The following FHIT variants were observed in gnomAD, a reference collection of about 807,000 sequenced individuals.
FHIT encodes the protein bis(5'-adenosyl)-triphosphatase.
In FHIT, 19 loss-of-function variants were observed where a neutral mutation model predicts 17.9. The observed-to-expected ratio is 1.06, with a 90% confidence interval of 0.74 to 1.56. FHIT has a LOEUF of 1.56. Among genes scored for constraint, FHIT ranks in the 40% most tolerant of loss-of-function variants. The probability of loss-of-function intolerance (pLI) is 0.00; values close to 1 mark genes in which losing one functional copy is unlikely to be tolerated. For missense variants in FHIT, 248 were observed against 189.2 expected (o/e 1.31, Z -1.82); for synonymous variants, 81 against 69.7 (o/e 1.16, Z -0.81).
At chr3:59,986,521 A>AAATATATT (rs1392369113) in intron 7 of FHIT, among the ~76,000 whole-genome samples, 52 of 5,262 alleles carry the variant, frequency 9.9e-3, no homozygotes, top group Non-Finnish European at 0.016. Flanking sequence ...ATATATATAT[A>AAATATATT]TATATATATA....
chr3:61,120,898 T>C (rs1003825946), intron 2 of FHIT, among the ~76,000 whole-genome samples: 11 of 151,726 alleles, frequency 7.2e-5, no homozygotes, highest in African/African-American at 2.4e-4. Flanking sequence ...GAGAAAAACA[T>C]AAATGACCTG....
chr3:60,686,310 T>C (rs1253150804), intron 4 of FHIT, among the ~76,000 whole-genome samples: 2 of 152,178 alleles, frequency 1.3e-5, no homozygotes, highest in Non-Finnish European at 1.5e-5. Flanking sequence ...TGTACATTTA[T>C]CTCTCACCAA....
intron 5 of FHIT, among the ~76,000 whole-genome samples, chr3:60,091,464 G>A (rs554810660): frequency 6.6e-6 from 1 of 152,190 alleles, no homozygotes; most frequent in South Asian, 2.1e-4. Flanking sequence ...GGAAGGAAGA[G>A]AGTGTCATCC....
At chr3:60,217,658 T>A (rs776149392) in intron 5 of FHIT, among the ~76,000 whole-genome samples, 2 of 152,164 alleles carry the variant, frequency 1.3e-5, no homozygotes, top group African/African-American at 2.4e-5. Flanking sequence ...TCTCTCTGGC[T>A]TCATCAGGAG....
chr3:60,083,071 T>G (rs1225189515), intron 5 of FHIT, among the ~76,000 whole-genome samples: 1 of 152,174 alleles, frequency 6.6e-6, no homozygotes, highest in Non-Finnish European at 1.5e-5. Flanking sequence ...TTCCTAACTT[T>G]TCTTCTAGGA....
chr3:61,085,733 A>C (rs958796704), intron 2 of FHIT, among the ~76,000 whole-genome samples: 1 of 152,078 alleles, frequency 6.6e-6, no homozygotes, highest in African/African-American at 2.4e-5. Context: ...GTATGTTTTC[A>C]TCTAGAAGTT....
chr3:60,899,256 T>G (rs1484190813), intron 3 of FHIT, among the ~76,000 whole-genome samples: 12 of 152,188 alleles, frequency 7.9e-5, no homozygotes, highest in Non-Finnish European at 1.8e-4. Flanking sequence ...AAGCCTGGAG[T>G]GGTATATTGC....
chr3:60,477,284 A>T (rs1158363478), intron 5 of FHIT, among the ~76,000 whole-genome samples: 2 of 152,168 alleles, frequency 1.3e-5, no homozygotes, highest in Non-Finnish European at 2.9e-5. Flanking sequence ...AACAAAAACC[A>T]GGAAAATGGC....
intron 2 of FHIT, among the ~76,000 whole-genome samples, chr3:61,138,058 A>G (rs1228551178): frequency 3.3e-5 from 5 of 152,176 alleles, no homozygotes; most frequent in African/African-American, 1.2e-4. Flanking sequence ...CCGCTCTGTG[A>G]CTCAGTTTCC....
chr3:60,115,636 T>A (rs570499302), intron 5 of FHIT, among the ~76,000 whole-genome samples: 1 of 152,118 alleles, frequency 6.6e-6, no homozygotes, highest in Admixed American at 6.5e-5. Flanking sequence ...TGTAAAACAT[T>A]TGTCACAGTT....
At chr3:60,074,466 C>G (rs1702917848) in intron 5 of FHIT, among the ~76,000 whole-genome samples, 1 of 151,970 alleles carries the variant, frequency 6.6e-6, no homozygotes, top group Admixed American at 6.6e-5. Context: ...AAGTTCTTAT[C>G]CCTAGACAGA....
At chr3:60,318,058 C>T (rs1285976632) in intron 5 of FHIT, among the ~76,000 whole-genome samples, 1 of 152,100 alleles carries the variant, frequency 6.6e-6, no homozygotes. Flanking sequence ...TCCCAAAGTG[C>T]TGGGATTACA....
At chr3:60,674,345 T>C (rs1163401414) in intron 4 of FHIT, among the ~76,000 whole-genome samples, 1 of 152,186 alleles carries the variant, frequency 6.6e-6, no homozygotes, top group Admixed American at 6.5e-5. Context: ...ACTTATCTAG[T>C]TATTTTAAAT....
chr3:59,768,405 T>C (rs1000278124), intron 8 of FHIT, among the ~76,000 whole-genome samples: 2 of 152,338 alleles, frequency 1.3e-5, no homozygotes, highest in Admixed American at 6.5e-5. Flanking sequence ...AACTGCCTTG[T>C]ATCTCACTAC....
chr3:60,195,382 T>C (rs893967660), intron 5 of FHIT, among the ~76,000 whole-genome samples: 9 of 151,608 alleles, frequency 5.9e-5, no homozygotes, highest in Non-Finnish European at 1.3e-4. Context: ...TGACCTACCA[T>C]TCTATCTTGC....
chr3:59,910,316 G>C lies in FHIT; in HGVS notation c.348+12030C>G, dbSNP rs568383127. On this transcript the variant is annotated intron_variant, in intron 8 of 9. Coordinates refer to ENST00000492590, the MANE Select transcript of FHIT (RefSeq NM_002012.4). ...TTGCATTCTTCTGAGTTTCTGACTA[G>C]CCTCTCCAAAGGAGGCAATCAGATA... Among the ~76,000 whole-genome samples the C allele has an allele frequency of 7.2e-5, 11 of 152,310 alleles. No individual in the cohort carries two copies. In the South Asian group the frequency reaches 2.1e-3, roughly 29 times the overall value.
chr3:60,610,136 C>T (rs1189847245), intron 4 of FHIT, among the ~76,000 whole-genome samples: 1 of 152,104 alleles, frequency 6.6e-6, no homozygotes, highest in Non-Finnish European at 1.5e-5. Context: ...ATACTCACTT[C>T]CACTCCCCTC....
In FHIT at chr3:59,922,328, C is replaced by G; in HGVS notation, c.348+18G>C. 1.2e-6 allele frequency: 2 copies of G among 1,603,000 alleles called. No individual in the cohort carries two copies. The highest frequency in any genetic ancestry group is 1.3e-5 in the African/African-American group (1 of 74,780). ...AGTCCCCGTGATCAAACAATAAGAT[C>G]AGAGAGAACAGACCCACCTCCTCAT... On this transcript the variant is annotated intron_variant, in intron 8 of 9. Coordinates refer to ENST00000492590, the MANE Select transcript of FHIT (RefSeq NM_002012.4).
At chr3:60,936,399 C>T (rs986796947) in intron 3 of FHIT, among the ~76,000 whole-genome samples, 8 of 152,190 alleles carry the variant, frequency 5.3e-5, no homozygotes, top group Middle Eastern at 3.4e-3. Flanking sequence ...ATTTGCAGGC[C>T]GACACAATGT....
Sources: allele counts gnomAD v4.1 joint callset (sites outside exome capture counted in the v4.1 genomes callset), GRCh38; gene constraint gnomAD v4.1.1; transcripts MANE v1.5; gene names NCBI Gene and HGNC (gene_info 2026-07-23, HGNC 2026-07-21).